Variants in KDM2B observed in about 807,000 individuals in gnomAD.
KDM2B encodes the protein lysine demethylase 2B.
In KDM2B, 26 loss-of-function variants were observed where a neutral mutation model predicts 150.0. That is an observed-to-expected ratio of 0.17 (90% CI 0.13 to 0.24). The LOEUF (loss-of-function observed/expected upper bound fraction) is 0.24, where lower values mean the gene tolerates loss of function less well. Among genes scored for constraint, KDM2B ranks in the 10% least tolerant of loss-of-function variants. KDM2B has a pLI of 1.00. For missense variants in KDM2B, 1,265 were observed against 1,816.9 expected, an observed-to-expected ratio of 0.70 and a Z score of 5.52; for synonymous variants, 734 against 729.5, an observed-to-expected ratio of 1.01 and a Z score of -0.10.
At position 121,430,645 on chromosome 12, in the gene KDM2B, AG is replaced by A; in HGVS notation, c.3830-177del. 3 of 605,496 alleles carry A rather than the reference AG, an allele frequency of 5.0e-6. No individual in the cohort carries two copies. Among genetic ancestry groups the A allele is most frequent in the Non-Finnish European group, 8.8e-6 (3 of 340,434 alleles). 37.5% of individuals were successfully genotyped at this position (605,496 alleles called of 1,614,324 possible). On this transcript the variant is annotated intron_variant, in intron 22 of 22. Coordinates refer to ENST00000377071, the MANE Select transcript of KDM2B (RefSeq NM_032590.5). The surrounding 1 kb of genome is among the most constrained non-coding windows in gnomAD (Gnocchi z 4.4). ...AAAATCTCTCTTCTTCAAACGGGGA[AG>A]GGTCTCACCCGCCAGGTATAAAGGT...
Position 121,549,785 on chromosome 12 carries a change from A to C in KDM2B, c.398-147T>G. ...CTCATCTGTTCAATTACCTCACCCCATCGGCTTTCCTTCTGGGATCTGTCT... is the reference window on the plus strand; with the variant it reads ...CTCATCTGTTCAATTACCTCACCCCCTCGGCTTTCCTTCTGGGATCTGTCT... On this transcript the variant is annotated intron_variant, in intron 4 of 22. Coordinates refer to ENST00000377071, the MANE Select transcript of KDM2B (RefSeq NM_032590.5). This position sits in a 1 kb window ranked among gnomAD's most constrained non-coding sequence, Gnocchi z 4.4. 4.5e-6 allele frequency: 3 copies of C among 666,602 alleles called. No individual in the cohort carries two copies. The highest frequency in any genetic ancestry group is 7.0e-6 in the Non-Finnish European group (3 of 425,614). The allele number at this position is 666,602 out of a possible 1,614,324, so 41.3% of individuals were successfully genotyped here.
At chr12:121,443,228 A>G in intron 17 of KDM2B, 198 bp from the exon 18 acceptor site, 1 of 618,628 alleles carries the variant, frequency 1.6e-6, no homozygotes, top group Non-Finnish European at 2.9e-6. Context: ...AGCTGGAAGT[A>G]GGAGTACAGT....
intron 22 of KDM2B, among the ~76,000 whole-genome samples, chr12:121,439,140 A>G (rs1278712286): frequency 2.0e-5 from 3 of 152,126 alleles, no homozygotes; most frequent in Non-Finnish European, 4.4e-5. Context: ...GCAGGGTCAC[A>G]AGGGGTGCAT....
At chr12:121,491,081 T>G (rs1555299816) in intron 12 of KDM2B, among the ~76,000 whole-genome samples, 1 of 152,126 alleles carries the variant, frequency 6.6e-6, no homozygotes, top group Non-Finnish European at 1.5e-5. Flanking sequence ...CTGTTAACTT[T>G]TTAACCCCAC....
chr12:121,580,862 T>C lies in KDM2B; in HGVS notation c.50A>G (p.Lys17Arg), dbSNP rs781819424. 1 of 1,614,158 alleles carries C rather than the reference T, an allele frequency of 6.2e-7. No individual in the cohort carries two copies. ...TTTTTGCTTTTCTGCTGCATGTCTTTTTCGTGGGGGGTGATCCTCTGCAGA... is the reference window on the plus strand; with the variant it reads ...TTTTTGCTTTTCTGCTGCATGTCTTCTTCGTGGGGGGTGATCCTCTGCAGA... ...GGSAEDHPPR[K>R]RHAAEKQKKK... Residue 17 changes from lysine (K) to arginine (R), a missense_variant, in exon 1 of 23, where the codon AAA becomes AGA. Physicochemically the swap from Lys to Arg is conservative, Grantham distance 26. Transcript: ENST00000377071.
rs1555295149 is a variant in KDM2B, at chr12:121,467,575, G to C, written c.1735-14231C>G. The C allele has an allele frequency of 3.3e-5, 5 of 149,744 alleles. No homozygotes were observed. 9.3% of individuals were successfully genotyped at this position (149,744 alleles called of 1,614,324 possible). A position where few individuals can be genotyped will look rare whatever the true frequency, so the allele number is the denominator to read the frequency against. ...GGCGGTCCCTCGCGGCCGGAGCGCG[G>C]GGACTGGGGCTGCGTGGGGGCGTGC... On this transcript the variant is annotated intron_variant, in intron 12 of 22. Coordinates refer to ENST00000377071, the MANE Select transcript of KDM2B (RefSeq NM_032590.5). The surrounding 1 kb of genome is among the most constrained non-coding windows in gnomAD (Gnocchi z 5.1).
chr12:121,526,187 A>C (rs1456599462), intron 8 of KDM2B, among the ~76,000 whole-genome samples: 1 of 152,182 alleles, frequency 6.6e-6, no homozygotes, highest in African/African-American at 2.4e-5. Flanking sequence ...CCCCGTCTCT[A>C]CTAAAAATAG....
At chr12:121,419,977 T>G in the KDM2B span, 1 of 337,276 alleles carries the variant, frequency 3.0e-6, no homozygotes, top group Non-Finnish European at 5.7e-6. Context: ...TTATGGGACC[T>G]TCCTGAGAGA....
rs150266792 is a variant in KDM2B at position 121,429,855 on chromosome 12, CAAAAA to C, written c.*428_*432del. On this transcript the variant is annotated 3_prime_UTR_variant, in exon 23 of 23. Transcript: ENST00000377071. ...GTAAGATGTAACAAAACCAACCAAA[CAAAAA>C]AAAGTGTCAAGACGGCAGCAGATGT... 19,193 of 569,016 alleles carry C rather than the reference CAAAAA, an allele frequency of 0.034. 522 individuals carry two copies. The highest frequency in any genetic ancestry group is 0.044 in the Non-Finnish European group (14,059 of 321,146). 35.2% of individuals were successfully genotyped at this position (569,016 alleles called of 1,614,324 possible).
chr12:121,443,546 A>C, intron 17 of KDM2B, 134 bp downstream of exon 17: 2 of 662,550 alleles, frequency 3.0e-6, no homozygotes, highest in Non-Finnish European at 2.7e-6. Context: ...ACCACGAGCC[A>C]GAGATCTGGG....
At chr12:121,519,235 G>A (rs1886486160) in intron 9 of KDM2B, among the ~76,000 whole-genome samples, 1 of 152,236 alleles carries the variant, frequency 6.6e-6, no homozygotes, top group African/African-American at 2.4e-5. Flanking sequence ...AAAGGCAGCA[G>A]CTAATACTTT....
At chr12:121,514,388 CA>C (rs1885856153) in intron 9 of KDM2B, among the ~76,000 whole-genome samples, 2 of 151,954 alleles carry the variant, frequency 1.3e-5, no homozygotes, top group African/African-American at 4.8e-5. Flanking sequence ...CTAGAACTGT[CA>C]AAAGGCCTGA....
chr12:121,505,707 G>A (rs1885007376), intron 11 of KDM2B, among the ~76,000 whole-genome samples: 1 of 152,132 alleles, frequency 6.6e-6, no homozygotes, highest in Non-Finnish European at 1.5e-5. Context: ...TCCCGGGAGA[G>A]AGCCCATCTT....
chr12:121,417,890 C>T, the KDM2B span: 1 of 1,614,010 alleles, frequency 6.2e-7, no homozygotes, highest in South Asian at 1.1e-5. The surrounding 1 kb of genome is among the most constrained non-coding windows in gnomAD (Gnocchi z 5.0). Context: ...ACCAAACATC[C>T]AGATCTGGAG....
intron 1 of KDM2B, chr12:121,580,095 C>T (rs782025774): frequency 6.3e-7 from 1 of 1,584,704 alleles, no homozygotes; most frequent in Non-Finnish European, 8.5e-7. Flanking sequence ...CACTCCTGCC[C>T]CCTGCATTTT....
Position 121,578,876 on chromosome 12 carries a change from C to T in KDM2B, c.197G>A (p.Arg66His). ...AAGCTTCTCCTCCAGGCTGAAGCCG[C>T]GGACGCTGACGATCTCCTCCACGTC... ...LSDVEEIVSV[R>H]GFSLEEKLRS... Residue 66 changes from arginine (R) to histidine (H), a missense_variant, in exon 2 of 23, where the codon CGC becomes CAC. Transcript: ENST00000377071. 1 of 1,612,796 alleles carries T rather than the reference C, an allele frequency of 6.2e-7. No individual in the cohort carries two copies. Among genetic ancestry groups the T allele is most frequent in the Non-Finnish European group, 8.5e-7 (1 of 1,179,636 alleles).
intron 12 of KDM2B, chr12:121,494,029 T>C (rs1883643890): frequency 6.5e-6 from 1 of 154,394 alleles, no homozygotes; most frequent in South Asian, 2.0e-4. Flanking sequence ...TCGCATTTTT[T>C]GTATTTTTAG....
At position 121,549,893 on chromosome 12, in the gene KDM2B, CA is replaced by C. The variant is rs1889354490; in HGVS notation, c.398-256del. Among the ~76,000 whole-genome samples the C allele has an allele frequency of 3.3e-5, 5 of 152,312 alleles. 1 individual carries two copies. In the South Asian group the frequency reaches 1.0e-3, roughly 32 times the overall value. On this transcript the variant is annotated intron_variant, in intron 4 of 22. Coordinates refer to ENST00000377071, the MANE Select transcript of KDM2B (RefSeq NM_032590.5). This position sits in a 1 kb window ranked among gnomAD's most constrained non-coding sequence, Gnocchi z 4.4. ...CAAAAGCTACCTAAAGGGGCCCAAGCAGCTGGGCATGGTGGCTTAAGGCTGT... is the reference window on the plus strand; with the variant it reads ...CAAAAGCTACCTAAAGGGGCCCAAGCGCTGGGCATGGTGGCTTAAGGCTGT...
At position 121,453,414 on chromosome 12, in the gene KDM2B, T is replaced by C. The variant is rs1160989706; in HGVS notation, c.1735-70A>G. On this transcript the variant is annotated intron_variant, in intron 12 of 22. Transcript: ENST00000377071. The surrounding 1 kb of genome is among the most constrained non-coding windows in gnomAD (Gnocchi z 6.4). ...CACGGCCAGACCCCCGGAAAGGGTG[T>C]TAGGGAGCAAACTGTGTACCCCCAG... 1 of 1,243,904 alleles carries C rather than the reference T, an allele frequency of 8.0e-7. No homozygotes were observed. The highest frequency in any genetic ancestry group is 2.4e-5 in the Admixed American group (1 of 42,032). 77.1% of individuals were successfully genotyped at this position (1,243,904 alleles called of 1,614,324 possible). A position where few individuals can be genotyped will look rare whatever the true frequency, so the allele number is the denominator to read the frequency against.
Sources: allele counts gnomAD v4.1 joint callset (sites outside exome capture counted in the v4.1 genomes callset), GRCh38; gene constraint gnomAD v4.1.1; non-coding constraint Gnocchi (gnomAD v3.1); transcripts MANE v1.5; gene names NCBI Gene and HGNC (gene_info 2026-07-23, HGNC 2026-07-21).